The following ADAMTS17 variants were observed in gnomAD, a reference collection of about 807,000 sequenced individuals.
ADAMTS17 encodes A disintegrin and metalloproteinase with thrombospondin motifs 17.
A neutral mutation model predicts 141.5 loss-of-function variants in ADAMTS17; 113 were observed. That is an observed-to-expected ratio of 0.80 (90% CI 0.69 to 0.93). The LOEUF is 0.93. Among genes scored for constraint, ADAMTS17 ranks in the 40% least tolerant of loss-of-function variants. The probability of loss-of-function intolerance (pLI) is 0.00; values close to 1 mark genes in which losing one functional copy is unlikely to be tolerated. For synonymous variants in ADAMTS17, 768 were observed against 630.6 expected, an observed-to-expected ratio of 1.22 and a Z score of -3.27; for missense variants, 1,659 against 1,517.9, an observed-to-expected ratio of 1.09 and a Z score of -1.54.
chr15:100,005,676 T>G (rs1279037685), intron 18 of ADAMTS17, among the ~76,000 whole-genome samples: 2 of 152,208 alleles, frequency 1.3e-5, no homozygotes, highest in African/African-American at 2.4e-5. Flanking sequence ...GCCTTAAAAT[T>G]TGCCGATAAA....
chr15:100,284,826 C>A (rs927768073), intron 3 of ADAMTS17, among the ~76,000 whole-genome samples: 1 of 152,192 alleles, frequency 6.6e-6, no homozygotes, highest in Non-Finnish European at 1.5e-5. Flanking sequence ...AAGAAAAACA[C>A]TAATTTCAGA....
intron 20 of ADAMTS17, among the ~76,000 whole-genome samples, chr15:99,983,257 T>G (rs2060517568): frequency 6.6e-6 from 1 of 152,126 alleles, no homozygotes; most frequent in Admixed American, 6.5e-5. Flanking sequence ...ACAGCTGCCG[T>G]GGCCAGAGCT....
intron 12 of ADAMTS17, chr15:100,129,450 A>C (rs1451706157): frequency 1.3e-5 from 2 of 152,352 alleles, no homozygotes; most frequent in Admixed American, 6.5e-5. Context: ...CGCTATAAGA[A>C]GTCATGCTGG....
chr15:100,334,209 G>C (rs1389090074), intron 2 of ADAMTS17, among the ~76,000 whole-genome samples: 1 of 152,204 alleles, frequency 6.6e-6, no homozygotes, highest in African/African-American at 2.4e-5. Flanking sequence ...GAAAGACATA[G>C]AGGTTTTTAT....
intron 15 of ADAMTS17, among the ~76,000 whole-genome samples, chr15:100,095,931 C>T (rs754626007): frequency 3.3e-5 from 5 of 152,174 alleles, no homozygotes; most frequent in East Asian, 1.9e-4. Context: ...GCTTCATGCA[C>T]GTTTTAGAAA....
rs558474415 is a variant in ADAMTS17 at position 100,182,474 on chromosome 15, G to A, written c.1181+16844C>T. On this transcript the variant is annotated intron_variant, in intron 8 of 21. Coordinates refer to ENST00000268070, the MANE Select transcript of ADAMTS17 (RefSeq NM_139057.4). ...GAGTTAAATGCAAAGTCTCACACTC[G>A]TTGTGCTATCCCTCCGCCAAGCACA... Among the ~76,000 whole-genome samples the A allele has an allele frequency of 6.6e-5, 10 of 152,244 alleles. No homozygotes were observed. The South Asian group carries it at 1.5e-3, about 22-fold the overall frequency.
At chr15:99,982,079 A>G (rs2060492021) in intron 20 of ADAMTS17, among the ~76,000 whole-genome samples, 1 of 152,186 alleles carries the variant, frequency 6.6e-6, no homozygotes, top group African/African-American at 2.4e-5. Flanking sequence ...TATTTGCAGC[A>G]TGAGGATAAC....
intron 20 of ADAMTS17, among the ~76,000 whole-genome samples, chr15:99,987,619 T>C (rs2573597): frequency 0.073 from 11,041 of 152,090 alleles, 1,191 homozygotes; most frequent in African/African-American, 0.24. Flanking sequence ...ACGGCAAACG[T>C]AAACAGTCCG....
intron 7 of ADAMTS17, among the ~76,000 whole-genome samples, chr15:100,239,092 A>C (rs1381304153): frequency 6.6e-6 from 1 of 152,214 alleles, no homozygotes; most frequent in African/African-American, 2.4e-5. Context: ...TCCGTCTCAA[A>C]AAAGAAAACG....
chr15:100,037,525 C>T (rs1427758317), intron 18 of ADAMTS17, among the ~76,000 whole-genome samples: 1 of 151,968 alleles, frequency 6.6e-6, no homozygotes, highest in East Asian at 1.9e-4. Context: ...ATTCTCATGC[C>T]TGTCCCCTGA....
intron 10 of ADAMTS17, among the ~76,000 whole-genome samples, chr15:100,135,130 C>T (rs948658592): frequency 2.6e-5 from 4 of 151,986 alleles, no homozygotes; most frequent in Admixed American, 1.3e-4. Context: ...GTCAACTGTT[C>T]GTTATGGATT....
At chr15:100,192,400 G>A (rs947253175) in intron 8 of ADAMTS17, among the ~76,000 whole-genome samples, 1 of 152,204 alleles carries the variant, frequency 6.6e-6, no homozygotes, top group Non-Finnish European at 1.5e-5. Flanking sequence ...CCCCTTTTCT[G>A]TTCCTCCAGG....
At chr15:100,052,881 G>T (rs949243071) in intron 16 of ADAMTS17, among the ~76,000 whole-genome samples, 1 of 152,226 alleles carries the variant, frequency 6.6e-6, no homozygotes, top group Non-Finnish European at 1.5e-5. Flanking sequence ...TGTCTCCCCA[G>T]AAATTTTAAC....
chr15:100,304,370 T>C (rs1419516416), intron 3 of ADAMTS17, among the ~76,000 whole-genome samples: 1 of 152,168 alleles, frequency 6.6e-6, no homozygotes, highest in Non-Finnish European at 1.5e-5. Context: ...GCTAGTATAA[T>C]TTTTTTAACC....
chr15:100,138,015 G>C (rs2038426505), intron 10 of ADAMTS17, among the ~76,000 whole-genome samples: 5 of 152,012 alleles, frequency 3.3e-5, no homozygotes, highest in African/African-American at 1.2e-4. Context: ...TTTTACCTTT[G>C]AAAGCTCTTA....
intron 15 of ADAMTS17, among the ~76,000 whole-genome samples, chr15:100,058,834 T>C (rs187960709): frequency 1.3e-5 from 2 of 152,240 alleles, no homozygotes; most frequent in East Asian, 3.9e-4. Flanking sequence ...CTGGGTATGG[T>C]CAAGGAATTG....
intron 3 of ADAMTS17, among the ~76,000 whole-genome samples, chr15:100,330,041 TCCTGGGAGGAAATGCCA>T (rs2046003228): frequency 6.6e-6 from 1 of 152,166 alleles, no homozygotes. Context: ...TCCCACGATC[TCCTGGGAGGAAATGCCA>T]CCTGTGCTCC....
chr15:100,157,730 G>A (rs187804608), intron 8 of ADAMTS17, among the ~76,000 whole-genome samples: 5 of 149,248 alleles, frequency 3.4e-5, no homozygotes, highest in East Asian at 4.0e-4. Flanking sequence ...TTGATCTGGC[G>A]TGGTGGCAGA....
intron 13 of ADAMTS17, among the ~76,000 whole-genome samples, chr15:100,109,577 T>C (rs573166977): frequency 6.6e-6 from 1 of 152,192 alleles, no homozygotes; most frequent in Non-Finnish European, 1.5e-5. Flanking sequence ...AGAGCTTCAG[T>C]GCTCCCCTAG....
Sources: allele counts gnomAD v4.1 joint callset (sites outside exome capture counted in the v4.1 genomes callset), GRCh38; gene constraint gnomAD v4.1.1; transcripts MANE v1.5; gene names NCBI Gene and HGNC (gene_info 2026-07-23, HGNC 2026-07-21).